Variants in NRG1 observed in about 807,000 individuals in gnomAD.
NRG1 encodes the protein pro-neuregulin-1, membrane-bound isoform.
NRG1 carries 18 observed loss-of-function variants against 63.8 expected under a neutral mutation model. That is an observed-to-expected ratio of 0.28 (90% CI 0.19 to 0.42). The LOEUF is 0.42. NRG1 is among the 10% of genes least tolerant of loss of function. The probability of loss-of-function intolerance (pLI) is 1.00; values close to 1 mark genes in which losing one functional copy is unlikely to be tolerated. For missense variants in NRG1, 762 were observed against 814.7 expected (o/e 0.94, Z 0.79); for synonymous variants, 302 against 301.3 (o/e 1.00, Z -0.02).
intron 1 of NRG1, among the ~76,000 whole-genome samples, chr8:31,814,728 A>G (rs1823269906): frequency 1.3e-5 from 2 of 151,462 alleles, no homozygotes; most frequent in South Asian, 4.2e-4. Flanking sequence ...TTTGGCAAGT[A>G]TATACTATGT....
chr8:31,914,158 TC>T (rs1389573598), intron 1 of NRG1, among the ~76,000 whole-genome samples: 6 of 152,192 alleles, frequency 3.9e-5, no homozygotes, highest in African/African-American at 1.4e-4. Context: ...GATTTTTCTT[TC>T]CCATTCAGAT....
chr8:32,216,844 A>G (rs1845283130), intron 1 of NRG1, among the ~76,000 whole-genome samples: 2 of 152,048 alleles, frequency 1.3e-5, no homozygotes, highest in South Asian at 4.1e-4. Context: ...AACAAAAATA[A>G]TTACCTTCCC....
chr8:31,834,977 A>G (rs1419452335), intron 1 of NRG1, among the ~76,000 whole-genome samples: 2 of 152,162 alleles, frequency 1.3e-5, no homozygotes, highest in Non-Finnish European at 2.9e-5. Flanking sequence ...AGGCAACACA[A>G]TATGTTTTCT....
At chr8:32,766,893 T>A (rs1259871270) in exon 12 of NRG1, 1 of 152,176 alleles carries the variant, frequency 6.6e-6, no homozygotes, top group African/African-American at 2.4e-5. Context: ...CACATCACTC[T>A]TGACCACCTC....
At chr8:31,800,762 C>G (rs970869763) in intron 1 of NRG1, among the ~76,000 whole-genome samples, 2 of 150,240 alleles carry the variant, frequency 1.3e-5, no homozygotes, top group Non-Finnish European at 3.0e-5. Flanking sequence ...AGAAAAATGT[C>G]GAATTTAAAC....
chr8:32,668,337 CAACA>C (rs2128889192), intron 5 of NRG1, among the ~76,000 whole-genome samples: 1 of 152,294 alleles, frequency 6.6e-6, no homozygotes, highest in African/African-American at 2.4e-5. Context: ...TCTGCGTTGT[CAACA>C]GACTATTTTC....
chr8:31,937,673 G>T (rs1249700130), intron 1 of NRG1, among the ~76,000 whole-genome samples: 1 of 152,172 alleles, frequency 6.6e-6, no homozygotes, highest in Admixed American at 6.5e-5. Flanking sequence ...TGTTGGTAGG[G>T]GATGGTGGGA....
At chr8:32,754,576 TAAA>T in intron 8 of NRG1, 102 bp downstream of exon 8, 2 of 858,094 alleles carry the variant, frequency 2.3e-6, no homozygotes, top group Non-Finnish European at 3.4e-6. Flanking sequence ...GTCTTGGGGA[TAAA>T]AAAAAAAGGA....
chr8:31,962,547 T>C (rs984924621), intron 1 of NRG1, among the ~76,000 whole-genome samples: 4 of 152,196 alleles, frequency 2.6e-5, no homozygotes, highest in Non-Finnish European at 4.4e-5. Context: ...AATTGAAGTA[T>C]GGAATAAAAT....
intron 1 of NRG1, among the ~76,000 whole-genome samples, chr8:32,412,839 G>A (rs1815303994): frequency 6.6e-6 from 1 of 152,116 alleles, no homozygotes; most frequent in Non-Finnish European, 1.5e-5. Context: ...TGGTGTGTCA[G>A]TAACCAAAAT....
intron 1 of NRG1, among the ~76,000 whole-genome samples, chr8:32,512,457 T>C (rs1829328926): frequency 1.3e-5 from 2 of 152,358 alleles, no homozygotes; most frequent in East Asian, 1.9e-4. Flanking sequence ...TTACTACTTA[T>C]ACCTTTGTTA....
intron 6 of NRG1, among the ~76,000 whole-genome samples, chr8:32,735,141 A>G (rs1238732604): frequency 1.3e-5 from 2 of 152,206 alleles, no homozygotes; most frequent in African/African-American, 4.8e-5. Context: ...TCAGATGTAT[A>G]TAGAGTCAAT....
chr8:32,049,310 G>A (rs1013090207), intron 1 of NRG1, among the ~76,000 whole-genome samples: 31 of 152,108 alleles, frequency 2.0e-4, no homozygotes, highest in African/African-American at 7.5e-4. Context: ...TGTGACGTAT[G>A]CTAAATATAT....
intron 1 of NRG1, among the ~76,000 whole-genome samples, chr8:32,162,129 G>A (rs1014221684): frequency 3.9e-5 from 6 of 152,158 alleles, no homozygotes; most frequent in African/African-American, 7.2e-5. Context: ...TTCTCTTTAC[G>A]TAGTGAAGCA....
At chr8:32,050,268 G>A (rs751747475) in intron 1 of NRG1, among the ~76,000 whole-genome samples, 26 of 152,116 alleles carry the variant, frequency 1.7e-4, no homozygotes, top group Middle Eastern at 3.2e-3. Flanking sequence ...TTTTCTGCCA[G>A]TAGATAGGTT....
intron 1 of NRG1, among the ~76,000 whole-genome samples, chr8:31,899,349 C>A (rs1211814834): frequency 6.6e-6 from 1 of 152,062 alleles, no homozygotes; most frequent in Non-Finnish European, 1.5e-5. Context: ...CCTCTTGTAA[C>A]CATCCTTCTA....
intron 1 of NRG1, among the ~76,000 whole-genome samples, chr8:31,742,679 A>G (rs576763908): frequency 1.9e-3 from 295 of 151,992 alleles, no homozygotes; most frequent in Non-Finnish European, 3.4e-3. Flanking sequence ...TGCTCAAGTA[A>G]GAGGAAAAAT....
rs142091646 is a variant in NRG1 at position 32,512,584 on chromosome 8, G to A, written c.38-83244G>A. On this transcript the variant is annotated intron_variant, in intron 1 of 10. Coordinates refer to the NRG1 transcript ENST00000519301. ...CCTACATAACAACCTTATATGGTAAGTATCTTTTCCTAGTGCCTTTTATTG... is the reference window on the plus strand; with the variant it reads ...CCTACATAACAACCTTATATGGTAAATATCTTTTCCTAGTGCCTTTTATTG... 2.0e-5 allele frequency among the ~76,000 whole-genome samples: 3 copies of A among 152,278 alleles called. No homozygotes were observed. The East Asian group carries it at 5.8e-4, about 29-fold the overall frequency.
intron 1 of NRG1, among the ~76,000 whole-genome samples, chr8:32,088,621 G>C (rs987743792): frequency 4.0e-5 from 6 of 151,718 alleles, no homozygotes; most frequent in Admixed American, 2.0e-4. Context: ...GGGTTCAAGC[G>C]ATTTTTCTGC....
Sources: gnomAD v4.1 joint callset for allele counts (sites outside exome capture counted in the v4.1 genomes callset) on GRCh38, gnomAD v4.1.1 for gene constraint, MANE v1.5 for transcripts, NCBI Gene and HGNC (gene_info 2026-07-23, HGNC 2026-07-21) for gene names.